The following NKAIN2 variants were observed in gnomAD, a reference collection of about 807,000 sequenced individuals.
The protein encoded by NKAIN2 is sodium/potassium transporting ATPase interacting 2, also known as sodium/potassium-transporting ATPase subunit beta-1-interacting protein 2.
In NKAIN2, 14 loss-of-function variants were observed where a neutral mutation model predicts 32.6. The ratio of observed to expected loss-of-function variants is 0.43; its 90% CI spans 0.28 to 0.67. NKAIN2 has a LOEUF of 0.67. Among genes scored for constraint, NKAIN2 ranks in the 30% least tolerant of loss-of-function variants. The pLI is 0.17. For synonymous variants in NKAIN2, 80 were observed against 87.2 expected (o/e 0.92, Z 0.46); for missense variants, 198 against 258.3 (o/e 0.77, Z 1.60).
chr6:124,525,777 A>G (rs183408198), intron 3 of NKAIN2, among the ~76,000 whole-genome samples: 104 of 152,312 alleles, frequency 6.8e-4, no homozygotes, highest in Non-Finnish European at 1.3e-3. Context: ...AGAAAGCACC[A>G]CATTATTGGA....
At position 124,786,713 on chromosome 6, in the gene NKAIN2, C is replaced by T. The variant is rs192822347; in HGVS notation, c.475-4626C>T. Among the ~76,000 whole-genome samples, 485 of 152,196 alleles carry T rather than the reference C, an allele frequency of 3.2e-3. 3 individuals are homozygous for T. The highest frequency in any genetic ancestry group is 0.015 in the South Asian group (72 of 4,818). The stretch of plus-strand genomic sequence containing the variant: ...AAAAAAAAAATTATACTTAGCTCTG[C>T]TTTGAATGACAAAGACTAAAACAAC... On this transcript the variant is annotated intron_variant, in intron 4 of 6. Coordinates refer to ENST00000368417, the MANE Select transcript of NKAIN2 (RefSeq NM_001040214.3).
At position 124,039,567 on chromosome 6, in the gene NKAIN2, C is replaced by T. The variant is rs557255424; in HGVS notation, c.54+235313C>T. Among the ~76,000 whole-genome samples the T allele has an allele frequency of 4.5e-4, 68 of 151,752 alleles. No individual in the cohort carries two copies. The South Asian group carries it at 6.2e-3, about 14-fold the overall frequency. ...TGTATTGTTTTTGCTTATATTCAAT[C>T]GTTTACTTATTTATTCAGTGAATAT... On this transcript the variant is annotated intron_variant, in intron 1 of 6. Transcript: ENST00000368417.
chr6:123,926,948 ATTC>A (rs1776031806), intron 1 of NKAIN2, among the ~76,000 whole-genome samples: 1 of 152,206 alleles, frequency 6.6e-6, no homozygotes, highest in Non-Finnish European at 1.5e-5. Flanking sequence ...AATCTACTTT[ATTC>A]TTCTTCCTAG....
intron 4 of NKAIN2, among the ~76,000 whole-genome samples, chr6:124,707,450 C>A (rs1775151219): frequency 1.3e-5 from 2 of 150,328 alleles, no homozygotes; most frequent in African/African-American, 4.9e-5. Context: ...AGTTTACAGT[C>A]CCACCAACAG....
intron 1 of NKAIN2, among the ~76,000 whole-genome samples, chr6:124,126,567 C>A (rs1786175765): frequency 7.6e-6 from 1 of 131,280 alleles, no homozygotes; most frequent in Admixed American, 8.1e-5. Context: ...TCAATGAGAA[C>A]CAATCATCCC....
At chr6:123,976,392 T>G (rs1415783245) in intron 1 of NKAIN2, among the ~76,000 whole-genome samples, 1 of 52,174 alleles carries the variant, frequency 1.9e-5, no homozygotes, top group Non-Finnish European at 4.0e-5. Flanking sequence ...TATATATATA[T>G]ATATATATAT....
chr6:124,201,238 TG>T (rs547153740), intron 1 of NKAIN2, among the ~76,000 whole-genome samples: 2 of 151,856 alleles, frequency 1.3e-5, no homozygotes, highest in African/African-American at 4.8e-5. Flanking sequence ...TGGCATGTGG[TG>T]GGGGGGCGAT....
At chr6:123,805,236 G>A (rs749810637) in intron 1 of NKAIN2, among the ~76,000 whole-genome samples, 3 of 152,166 alleles carry the variant, frequency 2.0e-5, no homozygotes, top group Non-Finnish European at 4.4e-5. Context: ...AGTCATGTCC[G>A]TTTTCAACAA....
intron 3 of NKAIN2, among the ~76,000 whole-genome samples, chr6:124,566,771 T>C (rs1780930321): frequency 1.3e-5 from 2 of 152,130 alleles, no homozygotes; most frequent in East Asian, 1.9e-4. Flanking sequence ...GGTGACATAA[T>C]TGAGTACTAA....
rs549884612 is a variant in NKAIN2, at chr6:124,155,928, G to A, written c.55-127077G>A. On this transcript the variant is annotated intron_variant, in intron 1 of 6. Coordinates refer to ENST00000368417, the MANE Select transcript of NKAIN2 (RefSeq NM_001040214.3). ...AATAGGGCTATAGTAACAACGGGAA[G>A]CCCAGAGATGCAAATGCTGGGAAGA... 6.0e-5 allele frequency among the ~76,000 whole-genome samples: 9 copies of A among 149,890 alleles called. No individual in the cohort carries two copies. The South Asian group carries it at 8.4e-4, about 14-fold the overall frequency.
At chr6:124,732,396 G>T (rs920142806) in intron 4 of NKAIN2, among the ~76,000 whole-genome samples, 1 of 152,008 alleles carries the variant, frequency 6.6e-6, no homozygotes, top group South Asian at 2.1e-4. Flanking sequence ...AGGCTAAGAG[G>T]CAAATAAGGA....
At chr6:124,501,323 T>C (rs371615234) in intron 3 of NKAIN2, among the ~76,000 whole-genome samples, 1 of 152,180 alleles carries the variant, frequency 6.6e-6, no homozygotes, top group African/African-American at 2.4e-5. Context: ...ATGTTATCTA[T>C]GTCATGAAGT....
At chr6:124,479,369 G>T (rs1214013378) in intron 3 of NKAIN2, among the ~76,000 whole-genome samples, 3 of 152,152 alleles carry the variant, frequency 2.0e-5, no homozygotes, top group Non-Finnish European at 4.4e-5. Context: ...GCAACTCTCT[G>T]TACTTTCTTC....
At chr6:124,453,759 T>A (rs534412725) in intron 3 of NKAIN2, among the ~76,000 whole-genome samples, 1 of 152,040 alleles carries the variant, frequency 6.6e-6, no homozygotes, top group South Asian at 2.1e-4. Context: ...ATGAAACAAA[T>A]TAGTAGATGA....
chr6:124,366,748 G>A (rs1799532733), intron 3 of NKAIN2, among the ~76,000 whole-genome samples: 1 of 151,932 alleles, frequency 6.6e-6, no homozygotes, highest in African/African-American at 2.4e-5. Context: ...GCAACATGGT[G>A]AAACCCCATC....
intron 1 of NKAIN2, among the ~76,000 whole-genome samples, chr6:124,203,786 A>G: frequency 6.6e-6 from 1 of 151,888 alleles, no homozygotes; most frequent in East Asian, 1.9e-4. Flanking sequence ...TACCCACAAT[A>G]TTACACATTC....
At chr6:124,416,585 T>A (rs573018) in intron 3 of NKAIN2, among the ~76,000 whole-genome samples, 29,667 of 152,054 alleles carry the variant, frequency 0.2, 2,975 homozygotes, top group East Asian at 0.24. Context: ...GTTGTGATGA[T>A]CCAGGATAGT....
At chr6:124,068,133 A>G (rs1035947842) in intron 1 of NKAIN2, among the ~76,000 whole-genome samples, 1 of 152,198 alleles carries the variant, frequency 6.6e-6, no homozygotes, top group East Asian at 1.9e-4. Context: ...AAACCTAAGC[A>G]GTCTGGTTCC....
chr6:124,358,887 A>G (rs1799125524), intron 3 of NKAIN2, among the ~76,000 whole-genome samples: 1 of 151,282 alleles, frequency 6.6e-6, no homozygotes, highest in African/African-American at 2.4e-5. Flanking sequence ...GTTTTCTTCT[A>G]GGGTTTTTAT....
Sources: gnomAD v4.1 joint callset for allele counts (sites outside exome capture counted in the v4.1 genomes callset) on GRCh38, gnomAD v4.1.1 for gene constraint, MANE v1.5 for transcripts, NCBI Gene and HGNC (gene_info 2026-07-23, HGNC 2026-07-21) for gene names.